SPAG16: variants seen among roughly 807,000 people sequenced by gnomAD.
The protein encoded by SPAG16 is sperm associated antigen 16, also known as sperm-associated antigen 16 protein.
A neutral mutation model predicts 80.4 loss-of-function variants in SPAG16; 86 were observed. The ratio of observed to expected loss-of-function variants is 1.07; its 90% CI spans 0.90 to 1.28. The LOEUF (loss-of-function observed/expected upper bound fraction) is 1.28. Among genes scored for constraint, SPAG16 ranks in the 50% most tolerant of loss-of-function variants. The pLI, the probability that SPAG16 is intolerant of heterozygous loss-of-function variation, is 0.00. For missense variants in SPAG16, 870 were observed against 765.3 expected, an observed-to-expected ratio of 1.14 and a Z score of -1.61; for synonymous variants, 294 against 265.9, an observed-to-expected ratio of 1.11 and a Z score of -1.03.
chr2:214,099,411 T>C (rs927999378), intron 13 of SPAG16, among the ~76,000 whole-genome samples: 1 of 152,104 alleles, frequency 6.6e-6, no homozygotes, highest in Non-Finnish European at 1.5e-5. Context: ...ATGAAAAGAA[T>C]TGCTATACAC....
chr2:213,307,618 G>C (rs1046945632), intron 3 of SPAG16, among the ~76,000 whole-genome samples: 3 of 150,822 alleles, frequency 2.0e-5, no homozygotes, highest in East Asian at 2.0e-4. Flanking sequence ...TTGGACATTT[G>C]GGTTGGTTCC....
At chr2:214,039,498 T>G (rs2048892732) in intron 13 of SPAG16, among the ~76,000 whole-genome samples, 1 of 152,144 alleles carries the variant, frequency 6.6e-6, no homozygotes, top group African/African-American at 2.4e-5. Context: ...GAAACTACCA[T>G]CAGAGTGAAC....
intron 10 of SPAG16, among the ~76,000 whole-genome samples, chr2:213,537,239 C>G (rs1260592858): frequency 1.3e-5 from 2 of 151,322 alleles, no homozygotes; most frequent in South Asian, 4.2e-4. Flanking sequence ...GTGCAGCACA[C>G]CAACATGGCA....
At chr2:213,566,364 G>GA (rs1300551988) in intron 10 of SPAG16, among the ~76,000 whole-genome samples, 1 of 151,858 alleles carries the variant, frequency 6.6e-6, no homozygotes, top group African/African-American at 2.4e-5. Flanking sequence ...CATTCAGAGG[G>GA]AAAAAATAAA....
chr2:214,359,728 C>T (rs959671298), intron 15 of SPAG16, among the ~76,000 whole-genome samples: 2 of 151,556 alleles, frequency 1.3e-5, no homozygotes, highest in Admixed American at 6.6e-5. Context: ...TCTCAATGCC[C>T]TATATATCAG....
rs71037342 is a variant in SPAG16 at position 214,108,439 on chromosome 2, T to TCACACACACACA, written c.1593+208_1593+219dup. 2.5e-3 allele frequency among the ~76,000 whole-genome samples: 319 copies of TCACACACACACA among 125,106 alleles called. 1 individual carries two copies. The highest frequency in any genetic ancestry group is 7.6e-3 in the Middle Eastern group (2 of 264). 82.1% of individuals were successfully genotyped at this position (125,106 alleles called of 152,430 possible). On this transcript the variant is annotated intron_variant, in intron 14 of 15. Transcript: ENST00000331683. ...ATATAGGGTTGCAGAATTTTAAAAT[T>TCACACACACACA]CACACACACACACACACACACACAC...
intron 11 of SPAG16, among the ~76,000 whole-genome samples, chr2:213,864,053 G>T (rs972416480): frequency 4.0e-5 from 6 of 151,548 alleles, no homozygotes; most frequent in African/African-American, 1.5e-4. Context: ...TCTTTTTGTA[G>T]AATTAATAAA....
chr2:214,137,925 A>G (rs910825140), intron 14 of SPAG16, among the ~76,000 whole-genome samples: 2 of 152,106 alleles, frequency 1.3e-5, no homozygotes, highest in Admixed American at 6.6e-5. Flanking sequence ...AATTTGATAG[A>G]AAAAAAGGAC....
At chr2:213,348,310 A>G (rs945760745) in intron 6 of SPAG16, among the ~76,000 whole-genome samples, 1 of 152,080 alleles carries the variant, frequency 6.6e-6, no homozygotes, top group Non-Finnish European at 1.5e-5. Context: ...CAACACAATG[A>G]TGGGTCTTGA....
At chr2:214,359,860 A>T (rs1184847105) in intron 15 of SPAG16, among the ~76,000 whole-genome samples, 1 of 151,966 alleles carries the variant, frequency 6.6e-6, no homozygotes, top group African/African-American at 2.4e-5. Context: ...CATAATCTGC[A>T]GGAAACTTGT....
chr2:213,373,344 C>T (rs1374716198), intron 8 of SPAG16, among the ~76,000 whole-genome samples: 1 of 152,088 alleles, frequency 6.6e-6, no homozygotes, highest in South Asian at 2.1e-4. Flanking sequence ...CATATTTATT[C>T]TCGCTACATT....
intron 10 of SPAG16, among the ~76,000 whole-genome samples, chr2:213,844,094 C>T (rs189656871): frequency 3.3e-4 from 50 of 152,266 alleles, no homozygotes; most frequent in Non-Finnish European, 5.4e-4. Flanking sequence ...TCATTATTGT[C>T]CTCATGTCTT....
At chr2:214,088,837 A>T (rs965763244) in intron 13 of SPAG16, among the ~76,000 whole-genome samples, 4 of 152,062 alleles carry the variant, frequency 2.6e-5, no homozygotes, top group Non-Finnish European at 2.9e-5. Flanking sequence ...GATCTGAAAA[A>T]TAGAAAGATA....
At chr2:213,926,327 T>C (rs2078475749) in intron 11 of SPAG16, among the ~76,000 whole-genome samples, 1 of 152,072 alleles carries the variant, frequency 6.6e-6, no homozygotes, top group Non-Finnish European at 1.5e-5. Context: ...GAGATTTTGG[T>C]GCACCCATCA....
At chr2:214,263,807 A>C (rs1009329439) in intron 15 of SPAG16, among the ~76,000 whole-genome samples, 1 of 152,200 alleles carries the variant, frequency 6.6e-6, no homozygotes, top group African/African-American at 2.4e-5. Flanking sequence ...TGCAATTAAA[A>C]CAGAGAGCAA....
At position 213,731,156 on chromosome 2, in the gene SPAG16, T is replaced by TG. The variant is rs1326225672; in HGVS notation, c.1071-131329_1071-131328insG. ...CCAACATCTACATTATATCTGAGTT[T>TG]TTTTTTTTTTTTTTTTTGAGTTGGA... is the stretch of plus-strand genomic sequence containing the variant. On this transcript the variant is annotated intron_variant, in intron 10 of 15. Transcript: ENST00000331683. Among the ~76,000 whole-genome samples the TG allele has an allele frequency of 1.6e-3, 58 of 36,128 alleles. 1 individual carries two copies. The highest frequency in any genetic ancestry group is 3.6e-3 in the Non-Finnish European group (49 of 13,548). The allele number at this position is 36,128 out of a possible 152,430, so 23.7% of individuals were successfully genotyped here.
chr2:213,968,838 A>G (rs1421035065), intron 12 of SPAG16, among the ~76,000 whole-genome samples: 3 of 152,220 alleles, frequency 2.0e-5, no homozygotes, highest in African/African-American at 7.2e-5. Context: ...TGTAAATGGC[A>G]GAGCATTATT....
intron 10 of SPAG16, among the ~76,000 whole-genome samples, chr2:213,841,208 A>C (rs1471850155): frequency 6.6e-6 from 1 of 152,196 alleles, no homozygotes; most frequent in Non-Finnish European, 1.5e-5. Flanking sequence ...CACCCCTAAA[A>C]AAATAGTCAT....
chr2:213,339,378 T>C (rs2064556548), intron 5 of SPAG16, among the ~76,000 whole-genome samples: 2 of 152,246 alleles, frequency 1.3e-5, no homozygotes, highest in African/African-American at 4.8e-5. Context: ...GCTGTAGCAC[T>C]TTGTCAGTTA....
Sources: allele counts gnomAD v4.1 joint callset (sites outside exome capture counted in the v4.1 genomes callset), GRCh38; gene constraint gnomAD v4.1.1; transcripts MANE v1.5; gene names NCBI Gene and HGNC (gene_info 2026-07-23, HGNC 2026-07-21).